CASC3: variants seen among roughly 807,000 people sequenced by gnomAD.
CASC3 encodes protein CASC3.
Under a neutral mutation model 80.5 loss-of-function variants are expected in CASC3, and 30 were observed. That is an observed-to-expected ratio of 0.37 (90% CI 0.28 to 0.51). CASC3 has a LOEUF of 0.51. CASC3 is among the 20% of genes least tolerant of loss of function. The pLI, the probability that CASC3 is intolerant of heterozygous loss-of-function variation, is 0.94. For missense variants in CASC3, 824 were observed against 922.2 expected (o/e 0.89, Z 1.38); for synonymous variants, 312 against 333.6 (o/e 0.94, Z 0.70).
At chr17:40,148,003 T>C (rs1055895370) in intron 3 of CASC3, among the ~76,000 whole-genome samples, 1 of 152,206 alleles carries the variant, frequency 6.6e-6, no homozygotes, top group Non-Finnish European at 1.5e-5. Flanking sequence ...GCTTTCATTG[T>C]CTGTAGGAAT....
At chr17:40,153,297 A>AT (rs1989057762) in intron 3 of CASC3, among the ~76,000 whole-genome samples, 1 of 152,050 alleles carries the variant, frequency 6.6e-6, no homozygotes, top group South Asian at 2.1e-4. Flanking sequence ...AGGTTCATCC[A>AT]TTTGTTGTCA....
rs768086249 is a variant in CASC3, at chr17:40,140,690, C to G, written c.142C>G (p.Leu48Val). The G allele has an allele frequency of 3.8e-6, 6 of 1,593,870 alleles. No homozygotes were observed. The highest frequency in any genetic ancestry group is 5.1e-6 in the Non-Finnish European group (6 of 1,172,082). Residue 48 changes from leucine to valine, a missense_variant, in exon 1 of 14, where the codon CTG becomes GTG. This residue lies in a region of CASC3 where 159 missense variants were observed against 122.2 expected (regional missense o/e 1.30). Transcript: ENST00000264645. ...CGCCGGAGGCGGCGGCAGCGGCTCT[C>G]TGCCTTCACAGCGCGGAGGCCGAAC... ...GSAGGGGSGS[L>V]PSQRGGRTGA...
At chr17:40,141,546 C>T (rs747288406) in intron 2 of CASC3, 24 bp from the exon 3 acceptor site, 1 of 1,608,704 alleles carries the variant, frequency 6.2e-7, no homozygotes, top group Non-Finnish European at 8.5e-7. Context: ...TTCTTTTTTT[C>T]CACATATTTC....
chr17:40,150,856 CA>C, intron 3 of CASC3, among the ~76,000 whole-genome samples: 1 of 152,042 alleles, frequency 6.6e-6, no homozygotes. Flanking sequence ...ACTAAAAATA[CA>C]AAAAACTTAG....
At chr17:40,148,492 G>GT (rs1246173442) in intron 3 of CASC3, among the ~76,000 whole-genome samples, 2 of 152,074 alleles carry the variant, frequency 1.3e-5, no homozygotes, top group Admixed American at 6.6e-5. Context: ...AGCCTCCTGA[G>GT]TAGCTGGGAC....
At chr17:40,165,762 T>TG (rs1989433531) in intron 7 of CASC3, among the ~76,000 whole-genome samples, 1 of 150,616 alleles carries the variant, frequency 6.6e-6, no homozygotes, top group African/African-American at 2.4e-5. Context: ...TTTTTTTTTT[T>TG]GTTTTTTTTT....
rs1478700249 is a variant in CASC3, at chr17:40,161,998, C to G, written c.457-4C>G. 1 of 1,613,480 alleles carries G rather than the reference C, an allele frequency of 6.2e-7. No individual in the cohort carries two copies. ...GAGTAAGGATCCCTTTATCTGTCCT[C>G]TAGGAGAGCACAGAGCCTGTGGAGA... On this transcript the variant is annotated splice_region_variant and splice_polypyrimidine_tract_variant and intron_variant, in intron 4 of 13. Coordinates refer to ENST00000264645, the MANE Select transcript of CASC3 (RefSeq NM_007359.5).
At position 40,171,378 on chromosome 17, in the gene CASC3, C is replaced by T. The variant is rs1014939132; in HGVS notation, c.*973C>T. ...TAGAGGGCCTTGCTTCTCTTCTTTCCATTCTTCTTGCTACACCCCTTTTCC... is the reference window on the plus strand; with the variant it reads ...TAGAGGGCCTTGCTTCTCTTCTTTCTATTCTTCTTGCTACACCCCTTTTCC... On this transcript the variant is annotated 3_prime_UTR_variant, in exon 14 of 14. Transcript: ENST00000264645. 1 of 985,966 alleles carries T rather than the reference C, an allele frequency of 1.0e-6. No individual in the cohort carries two copies. Among genetic ancestry groups the T allele is most frequent in the African/African-American group, 1.7e-5 (1 of 57,204 alleles). The allele number at this position is 985,966 out of a possible 1,614,324, so 61.1% of individuals were successfully genotyped here. A position where few individuals can be genotyped will look rare whatever the true frequency, so the allele number is the denominator to read the frequency against.
chr17:40,157,215 G>A (rs1989169570), intron 3 of CASC3, among the ~76,000 whole-genome samples: 1 of 150,180 alleles, frequency 6.7e-6, no homozygotes, highest in Non-Finnish European at 1.5e-5. Flanking sequence ...TTTGGTGGCG[G>A]GTGCGTGTAG....
chr17:40,159,711 AT>A (rs71152647), intron 3 of CASC3, among the ~76,000 whole-genome samples: 970 of 93,158 alleles, frequency 0.01, 8 homozygotes, highest in African/African-American at 0.034. Context: ...TTCCTGGCGA[AT>A]TTTTTTTTTT....
intron 3 of CASC3, among the ~76,000 whole-genome samples, chr17:40,149,558 GAAA>G (rs998714475): frequency 1.9e-4 from 28 of 150,124 alleles, no homozygotes; most frequent in African/African-American, 7.1e-4. Flanking sequence ...AAAAAGAAAA[GAAA>G]GGGGGAAAAA....
In CASC3 at chr17:40,161,879, G is replaced by A. The variant is rs1989310052; in HGVS notation, c.424G>A (p.Val142Met). The change falls in exon 4 of 14, where the codon GTG (valine) becomes ATG (methionine). Residue 142 changes from valine to methionine, a missense_variant. Coordinates refer to ENST00000264645, the MANE Select transcript of CASC3 (RefSeq NM_007359.5). Reference sequence around the variant, plus strand: ...AGAAAAGCCTGACACCAAAAGCACTGTGACTGGAGAGAGGCAAAGTGGGGA... The same window carrying A: ...AGAAAAGCCTGACACCAAAAGCACTATGACTGGAGAGAGGCAAAGTGGGGA... ...GEEKPDTKST[V>M]TGERQSGDGQ... The A allele has an allele frequency of 6.2e-7, 1 of 1,614,070 alleles. No homozygotes were observed.
intron 1 of CASC3, 55 bp downstream of exon 1, chr17:40,140,834 C>CG: frequency 5.2e-6 from 1 of 193,292 alleles, no homozygotes. Context: ...CGGCCGGGGG[C>CG]GGGGTGTAGG....
At position 40,163,814 on chromosome 17, in the gene CASC3, T is replaced by A; in HGVS notation, c.1119T>A (p.Ser373Arg). The A allele has an allele frequency of 6.2e-7, 1 of 1,614,082 alleles. No homozygotes were observed. The highest frequency in any genetic ancestry group is 1.6e-4 in the Middle Eastern group (1 of 6,062). The change falls in exon 7 of 14, where the codon AGT becomes AGA. Residue 373 changes from serine (S) to arginine (R), a missense_variant. Ser to Arg is a moderately radical substitution (Grantham distance 110, BLOSUM62 -1). Coordinates refer to ENST00000264645, the MANE Select transcript of CASC3 (RefSeq NM_007359.5). ...SPEADAPVLG[S>R]PEKEEAASEP... ...AAGCAGATGCTCCAGTGCTTGGCAGTCCTGAGAAGGAAGAGGCAGCCTCAG... is the reference window on the plus strand; with the variant it reads ...AAGCAGATGCTCCAGTGCTTGGCAGACCTGAGAAGGAAGAGGCAGCCTCAG...
chr17:40,141,180 T>G (rs772436896), intron 1 of CASC3, 27 bp from the exon 2 acceptor site: 4 of 1,611,496 alleles, frequency 2.5e-6, no homozygotes, highest in Non-Finnish European at 3.4e-6. Flanking sequence ...ATCACAGAAC[T>G]AACCCATGTC....
intron 3 of CASC3, among the ~76,000 whole-genome samples, chr17:40,146,277 G>A (rs531756298): frequency 6.6e-6 from 1 of 152,102 alleles, no homozygotes; most frequent in Non-Finnish European, 1.5e-5. Flanking sequence ...TTGGGATGGG[G>A]AATATTTGCT....
At position 40,161,920 on chromosome 17, in the gene CASC3, A is replaced by C. The variant is rs140620831; in HGVS notation, c.456+9A>C. 9 of 1,613,666 alleles carry C rather than the reference A, an allele frequency of 5.6e-6. No individual in the cohort carries two copies. In the African/African-American group the frequency reaches 1.2e-4, roughly 22 times the overall value. On this transcript the variant is annotated intron_variant, in intron 4 of 13. Coordinates refer to ENST00000264645, the MANE Select transcript of CASC3 (RefSeq NM_007359.5). ...AAAGTGGGGACGGACAGGTTAGTAC[A>C]TTCCACAGTCCTCCATTTTAGAGGC...
rs763340549 is a variant in CASC3 at position 40,170,725 on chromosome 17, C to A, written c.*320C>A. The A allele has an allele frequency of 2.2e-5, 22 of 985,464 alleles. No individual in the cohort carries two copies. In the South Asian group the frequency reaches 9.9e-4, roughly 44 times the overall value. 61.0% of individuals were successfully genotyped at this position (985,464 alleles called of 1,614,324 possible). Reference sequence around the variant, plus strand: ...AGCCCATGTCTTCTGCTGTTCTTCACTTCTGGGAAATTGAAGTGTCTTCTG... The same window carrying A: ...AGCCCATGTCTTCTGCTGTTCTTCAATTCTGGGAAATTGAAGTGTCTTCTG... On this transcript the variant is annotated 3_prime_UTR_variant, in exon 14 of 14. Transcript: ENST00000264645.
intron 3 of CASC3, among the ~76,000 whole-genome samples, chr17:40,154,505 A>G (rs940573813): frequency 6.6e-6 from 1 of 151,422 alleles, no homozygotes; most frequent in Non-Finnish European, 1.5e-5. Flanking sequence ...AAGTGCTGGG[A>G]TTACAGGTGT....
Sources: gnomAD v4.1 joint callset for allele counts (sites outside exome capture counted in the v4.1 genomes callset) on GRCh38, gnomAD v4.1.1 for gene constraint, gnomAD v4.1.1 regional missense constraint, MANE v1.5 for transcripts, NCBI Gene and HGNC (gene_info 2026-07-23, HGNC 2026-07-21) for gene names.